Variants in FHIT observed in about 807,000 individuals in gnomAD.
FHIT encodes fragile histidine triad diadenosine triphosphatase.
Under a neutral mutation model 17.9 loss-of-function variants are expected in FHIT, and 19 were observed. That is an observed-to-expected ratio of 1.06 (90% CI 0.74 to 1.56). The LOEUF is 1.56. FHIT is among the 40% of genes most tolerant of loss of function. The probability of loss-of-function intolerance (pLI) is 0.00; values close to 1 mark genes in which losing one functional copy is unlikely to be tolerated. For missense variants in FHIT, 248 were observed against 189.2 expected, an observed-to-expected ratio of 1.31 and a Z score of -1.82; for synonymous variants, 81 against 69.7, an observed-to-expected ratio of 1.16 and a Z score of -0.81.
In FHIT at chr3:60,364,180, T is replaced by A. The variant is rs1340266796; in HGVS notation, c.103+172680A>T. Among the ~76,000 whole-genome samples, 5 of 152,240 alleles carry A rather than the reference T, an allele frequency of 3.3e-5. No individual in the cohort carries two copies. In the East Asian group the frequency reaches 9.6e-4, roughly 29 times the overall value. ...ACAGCCTTTCTAATAATGCCTTTGG[T>A]CTAGGAATAACAAAATAATTGTTCT... On this transcript the variant is annotated intron_variant, in intron 5 of 9. Transcript: ENST00000492590.
intron 1 of FHIT, among the ~76,000 whole-genome samples, chr3:61,220,341 T>C (rs899897670): frequency 6.6e-6 from 1 of 152,206 alleles, no homozygotes; most frequent in Non-Finnish European, 1.5e-5. Context: ...ATTAATACTT[T>C]AAACACATGG....
intron 5 of FHIT, among the ~76,000 whole-genome samples, chr3:60,325,952 C>T (rs7647196): frequency 0.036 from 5,470 of 152,156 alleles, 323 homozygotes; most frequent in African/African-American, 0.12. Context: ...ACTTAATTTC[C>T]GCATTCAAAG....
At chr3:59,843,707 T>C (rs1193875227) in intron 8 of FHIT, among the ~76,000 whole-genome samples, 1 of 152,174 alleles carries the variant, frequency 6.6e-6, no homozygotes. Context: ...AAAAATGCAA[T>C]GTATTTTTGT....
At chr3:60,308,797 A>C (rs946608691) in intron 5 of FHIT, among the ~76,000 whole-genome samples, 7 of 152,152 alleles carry the variant, frequency 4.6e-5, no homozygotes, top group African/African-American at 1.7e-4. Flanking sequence ...GATCACCAAA[A>C]GTATACTATT....
chr3:60,492,023 C>T (rs1250642074), intron 5 of FHIT, among the ~76,000 whole-genome samples: 1 of 152,130 alleles, frequency 6.6e-6, no homozygotes, highest in Non-Finnish European at 1.5e-5. Context: ...AGCTATTATC[C>T]TCCAAAAACT....
At chr3:60,965,381 C>T (rs1412658055) in intron 3 of FHIT, among the ~76,000 whole-genome samples, 9 of 152,176 alleles carry the variant, frequency 5.9e-5, no homozygotes, top group African/African-American at 1.7e-4. Context: ...TTCGAACATC[C>T]TCCTTTAGCT....
chr3:61,159,747 A>G (rs142311083), intron 2 of FHIT, among the ~76,000 whole-genome samples: 1 of 152,216 alleles, frequency 6.6e-6, no homozygotes, highest in African/African-American at 2.4e-5. Context: ...TTGACTTGGA[A>G]TTAGCAGTAG....
At chr3:61,223,965 C>T (rs1205186441) in intron 1 of FHIT, among the ~76,000 whole-genome samples, 2 of 152,192 alleles carry the variant, frequency 1.3e-5, no homozygotes, top group Non-Finnish European at 2.9e-5. Context: ...CCCAGCAAGA[C>T]TTCCCATTGC....
intron 2 of FHIT, among the ~76,000 whole-genome samples, chr3:61,148,234 CTT>C (rs2037284307): frequency 1.3e-5 from 2 of 151,946 alleles, no homozygotes; most frequent in South Asian, 2.1e-4. Context: ...AGAGGGATAA[CTT>C]ATATATAGTA....
chr3:60,037,537 C>T (rs368846616), intron 5 of FHIT, among the ~76,000 whole-genome samples: 11 of 151,784 alleles, frequency 7.2e-5, no homozygotes, highest in African/African-American at 1.2e-4. Context: ...CACGCACCAC[C>T]GCACTGGCTA....
At chr3:60,130,780 GTGTGGTGTGTATATACACACATATATA>G (rs1699514877) in intron 5 of FHIT, among the ~76,000 whole-genome samples, 1 of 2,402 alleles carries the variant, frequency 4.2e-4, no homozygotes, top group African/African-American at 5.8e-4. Context: ...GTGTGTGTGT[GTGTGGTGTGTATATACACACATATATA>G]TGTGTGTATG....
At chr3:60,565,249 T>C (rs1265993383) in intron 4 of FHIT, among the ~76,000 whole-genome samples, 1 of 152,186 alleles carries the variant, frequency 6.6e-6, no homozygotes, top group Non-Finnish European at 1.5e-5. Context: ...TTTATTGCGA[T>C]AGTCACTTTT....
At chr3:60,553,458 A>ATATT (rs1553648673) in intron 4 of FHIT, 2 of 348,608 alleles carry the variant, frequency 5.7e-6, no homozygotes, top group African/African-American at 2.3e-5. Flanking sequence ...ATATATATAT[A>ATATT]TTTTATATTT....
chr3:61,039,073 A>AT (rs2033384493), intron 3 of FHIT, among the ~76,000 whole-genome samples: 2 of 151,870 alleles, frequency 1.3e-5, no homozygotes, highest in Admixed American at 1.3e-4. Context: ...ATCACTTAAA[A>AT]ATATATATAT....
intron 8 of FHIT, among the ~76,000 whole-genome samples, chr3:59,895,911 C>A (rs1354285624): frequency 1.3e-5 from 2 of 152,194 alleles, no homozygotes; most frequent in Non-Finnish European, 2.9e-5. Context: ...ACCAAATTGT[C>A]CAATTCCTTT....
chr3:60,240,539 C>A lies in FHIT; in HGVS notation c.104-226387G>T, dbSNP rs1356802784. ...GCTCACACATAACGAGAAAAAACAT[C>A]ACGGAAGCACAAATAAACTGTCTCA... On this transcript the variant is annotated intron_variant, in intron 5 of 9. Coordinates refer to ENST00000492590, the MANE Select transcript of FHIT (RefSeq NM_002012.4). Among the ~76,000 whole-genome samples, 5 of 152,144 alleles carry A rather than the reference C, an allele frequency of 3.3e-5. No individual in the cohort carries two copies. In the South Asian group the frequency reaches 6.2e-4, roughly 19 times the overall value.
At chr3:60,429,767 T>A (rs1702806873) in intron 5 of FHIT, among the ~76,000 whole-genome samples, 1 of 152,090 alleles carries the variant, frequency 6.6e-6, no homozygotes, top group African/African-American at 2.4e-5. Context: ...AATAGTTGAC[T>A]TTATCCCCAC....
intron 4 of FHIT, among the ~76,000 whole-genome samples, chr3:60,675,158 GCATA>G (rs1559631541): frequency 6.6e-6 from 1 of 152,180 alleles, no homozygotes; most frequent in Non-Finnish European, 1.5e-5. Context: ...AACAGTTGCC[GCATA>G]CATTTTATCT....
chr3:60,615,598 TTAAG>T (rs1394974633), intron 4 of FHIT, among the ~76,000 whole-genome samples: 1 of 152,234 alleles, frequency 6.6e-6, no homozygotes, highest in Non-Finnish European at 1.5e-5. Flanking sequence ...TAACAGTACT[TTAAG>T]TAATATCATC....
Sources: gnomAD v4.1 joint callset for allele counts (sites outside exome capture counted in the v4.1 genomes callset) on GRCh38, gnomAD v4.1.1 for gene constraint, MANE v1.5 for transcripts, NCBI Gene and HGNC (gene_info 2026-07-23, HGNC 2026-07-21) for gene names.